Variants in PARVB observed in about 807,000 individuals in gnomAD.
The protein encoded by PARVB is beta-parvin.
Under a neutral mutation model 47.0 loss-of-function variants are expected in PARVB, and 46 were observed. The ratio of observed to expected loss-of-function variants is 0.98; its 90% CI spans 0.77 to 1.25. The LOEUF (loss-of-function observed/expected upper bound fraction) is 1.25. Ranked by LOEUF, PARVB falls within the 50% of genes most tolerant of loss-of-function variation. PARVB has a pLI of 0.00. For missense variants in PARVB, 473 were observed against 471.6 expected, an observed-to-expected ratio of 1.00 and a Z score of -0.03; for synonymous variants, 196 against 196.3, an observed-to-expected ratio of 1.00 and a Z score of 0.01.
intron 1 of PARVB, among the ~76,000 whole-genome samples, chr22:44,044,744 C>T (rs2051084992): frequency 6.6e-6 from 1 of 152,178 alleles, no homozygotes; most frequent in African/African-American, 2.4e-5. Context: ...CCTTGGCCTC[C>T]CAATGTGCTG....
At position 44,024,333 on chromosome 22, in the gene PARVB, G is replaced by A. The variant is rs1461159971; in HGVS notation, c.-7G>A. 2 of 1,047,838 alleles carry A rather than the reference G, an allele frequency of 1.9e-6. No homozygotes were observed. The highest frequency in any genetic ancestry group is 2.3e-6 in the Non-Finnish European group (2 of 870,152). The allele number at this position is 1,047,838 out of a possible 1,614,324, so 64.9% of individuals were successfully genotyped here. A position where few individuals can be genotyped will look rare whatever the true frequency, so the allele number is the denominator to read the frequency against. On this transcript the variant is annotated 5_prime_UTR_variant, in exon 1 of 13. Transcript: ENST00000338758. ...GCTGCGCCCGCCGCCGGCCCCACGC[G>A]CGGCCCATGTCCTCCGCGCCGCGCT...
chr22:44,093,398 C>G (rs1043476867), intron 1 of PARVB, among the ~76,000 whole-genome samples: 1 of 152,212 alleles, frequency 6.6e-6, no homozygotes, highest in Non-Finnish European at 1.5e-5. Context: ...ATGTTCCAGC[C>G]ATCCTGACCC....
At chr22:44,108,845 C>A (rs2052624571) in intron 3 of PARVB, 1 of 152,158 alleles carries the variant, frequency 6.6e-6, no homozygotes, top group South Asian at 2.1e-4. Flanking sequence ...TTAATTTAGG[C>A]CATCTGGATG....
At chr22:44,130,388 G>A (rs2053283030) in intron 4 of PARVB, among the ~76,000 whole-genome samples, 1 of 152,206 alleles carries the variant, frequency 6.6e-6, no homozygotes, top group South Asian at 2.1e-4. Context: ...GGGGTGGGGC[G>A]CTGGTGGCCG....
intron 10 of PARVB, chr22:44,153,205 C>G (rs1177680917): frequency 6.6e-6 from 1 of 152,208 alleles, no homozygotes; most frequent in Non-Finnish European, 1.5e-5. Context: ...ACCCCAGAAG[C>G]CACTGAGGTG....
intron 1 of PARVB, among the ~76,000 whole-genome samples, chr22:44,053,624 A>G (rs890548497): frequency 6.6e-6 from 1 of 152,028 alleles, no homozygotes; most frequent in African/African-American, 2.4e-5. Flanking sequence ...GTTCAATTCA[A>G]TTCAGTTCTG....
intron 2 of PARVB, among the ~76,000 whole-genome samples, chr22:44,014,671 G>A (rs2050557796): frequency 6.6e-6 from 1 of 152,162 alleles, no homozygotes; most frequent in South Asian, 2.1e-4. Context: ...CAGAGAGAAA[G>A]CTAGTTATGT....
chr22:44,056,007 AC>A (rs1266596325), intron 1 of PARVB, among the ~76,000 whole-genome samples: 2 of 152,144 alleles, frequency 1.3e-5, no homozygotes, highest in Admixed American at 1.3e-4. Context: ...GCCGCTCCCC[AC>A]CCAGTCCAGG....
intron 4 of PARVB, 98 bp downstream of exon 4, chr22:44,119,238 T>A (rs2052985827): frequency 2.4e-6 from 2 of 843,806 alleles, no homozygotes; most frequent in East Asian, 4.9e-5. Flanking sequence ...CGGCCACAGG[T>A]CCTAGGAAGA....
chr22:44,049,780 C>T lies in PARVB; in HGVS notation c.112+25329C>T, dbSNP rs1447248201. 6.6e-6 allele frequency among the ~76,000 whole-genome samples: 1 copy of T among 152,232 alleles called. No homozygotes were observed. Among genetic ancestry groups the T allele is most frequent in the African/African-American group, 2.4e-5 (1 of 41,462 alleles). Reference sequence around the variant, plus strand: ...TCCTATTAAAGCAGGAGACCTCTGCCCGGGAACGGGCCATTTGGGGGCTCA... The same window carrying T: ...TCCTATTAAAGCAGGAGACCTCTGCTCGGGAACGGGCCATTTGGGGGCTCA... On this transcript the variant is annotated intron_variant, in intron 1 of 12. Coordinates refer to ENST00000338758, the MANE Select transcript of PARVB (RefSeq NM_013327.5). The surrounding 1 kb of genome is among the most constrained non-coding windows in gnomAD (Gnocchi z 4.0).
intron 3 of PARVB, chr22:44,113,222 C>G (rs1452107000): frequency 8.0e-6 from 1 of 124,284 alleles, no homozygotes; most frequent in African/African-American, 3.8e-5. Flanking sequence ...AGGCCCTGCA[C>G]CAACACAGAT....
intron 1 of PARVB, among the ~76,000 whole-genome samples, chr22:44,040,638 G>A (rs1024002064): frequency 4.6e-5 from 7 of 152,172 alleles, no homozygotes; most frequent in Non-Finnish European, 8.8e-5. Flanking sequence ...CTTCTAGAGG[G>A]AATGCAGCCC....
At chr22:44,128,689 G>A (rs574071450) in intron 4 of PARVB, among the ~76,000 whole-genome samples, 71 of 152,270 alleles carry the variant, frequency 4.7e-4, no homozygotes, top group African/African-American at 7.0e-4. Flanking sequence ...TGAGAGCCTC[G>A]CCCACTAGGA....
At chr22:44,119,177 A>G (rs2052983921) in intron 4 of PARVB, 37 bp downstream of exon 4, 2 of 1,410,308 alleles carry the variant, frequency 1.4e-6, no homozygotes, top group Non-Finnish European at 2.0e-6. Context: ...TCCCACCCCC[A>G]TCTCCCTGCA....
intron 3 of PARVB, chr22:44,107,723 C>T (rs1569119245): frequency 6.6e-6 from 1 of 152,160 alleles, no homozygotes; most frequent in South Asian, 2.1e-4. Flanking sequence ...TCCGCAAAAC[C>T]CATCAACAGT....
At chr22:44,037,273 A>G (rs1051650503) in intron 1 of PARVB, among the ~76,000 whole-genome samples, 3 of 151,958 alleles carry the variant, frequency 2.0e-5, no homozygotes, top group African/African-American at 7.3e-5. Context: ...AAATACAAAA[A>G]TTAGCCAGGC....
At chr22:44,006,373 C>T (rs1346504783) in intron 2 of PARVB, among the ~76,000 whole-genome samples, 5 of 152,198 alleles carry the variant, frequency 3.3e-5, no homozygotes, top group African/African-American at 1.2e-4. Flanking sequence ...TGCCTGTAAT[C>T]CCAGCACTTT....
At chr22:44,055,219 C>T (rs1218382208) in intron 1 of PARVB, among the ~76,000 whole-genome samples, 1 of 152,166 alleles carries the variant, frequency 6.6e-6, no homozygotes, top group Non-Finnish European at 1.5e-5. Flanking sequence ...ATGCCCCGTA[C>T]CTCCTGTGCG....
Position 44,155,724 on chromosome 22 carries a change from A to G in PARVB, c.844-2258A>G, listed in dbSNP as rs2053918291. Among the ~76,000 whole-genome samples the G allele has an allele frequency of 6.6e-6, 1 of 152,182 alleles. No individual in the cohort carries two copies. The highest frequency in any genetic ancestry group is 2.4e-5 in the African/African-American group (1 of 41,446). On this transcript the variant is annotated intron_variant, in intron 10 of 12. Transcript: ENST00000338758. This position sits in a 1 kb window ranked among gnomAD's most constrained non-coding sequence, Gnocchi z 4.8. ...AGGGTGCTGTGGGCATGAAGCTTCCATGTGGAGACACACTTAAAAGAATTC... is the reference window on the plus strand; with the variant it reads ...AGGGTGCTGTGGGCATGAAGCTTCCGTGTGGAGACACACTTAAAAGAATTC...
Sources: allele counts gnomAD v4.1 joint callset (sites outside exome capture counted in the v4.1 genomes callset), GRCh38; gene constraint gnomAD v4.1.1; non-coding constraint Gnocchi (gnomAD v3.1); transcripts MANE v1.5; gene names NCBI Gene and HGNC (gene_info 2026-07-23, HGNC 2026-07-21).